POLR1C: variants seen among roughly 807,000 people sequenced by gnomAD.
POLR1C encodes the protein RNA polymerase I and III subunit C.
POLR1C carries 42 observed loss-of-function variants against 38.3 expected under a neutral mutation model. The observed-to-expected ratio is 1.10, with a 90% CI of 0.86 to 1.42. POLR1C has a LOEUF of 1.42. Among genes scored for constraint, POLR1C ranks in the 40% most tolerant of loss-of-function variants. The pLI is 0.00. For missense variants in POLR1C, 507 were observed against 450.5 expected, an observed-to-expected ratio of 1.13 and a Z score of -1.14; for synonymous variants, 163 against 163.9, an observed-to-expected ratio of 0.99 and a Z score of 0.04.
intron 9 of POLR1C, chr6:43,548,466 G>A (rs1233424081): frequency 3.9e-6 from 6 of 1,527,002 alleles, no homozygotes; most frequent in Admixed American, 3.9e-5. Context: ...TTGGGCTACA[G>A]ATCAAAAAGA....
At chr6:43,526,538 G>A (rs1013033953) in intron 8 of POLR1C, 2 of 826,706 alleles carry the variant, frequency 2.4e-6, no homozygotes, top group Non-Finnish European at 4.0e-6. Flanking sequence ...TATGATGGAG[G>A]CACACAGCAA....
chr6:43,520,102 T>A lies in POLR1C; in HGVS notation c.419T>A (p.Phe140Tyr), dbSNP rs1226297486. The change falls in exon 5 of 9, where the codon TTT (phenylalanine) becomes TAT (tyrosine). Residue 140 changes from phenylalanine to tyrosine, a missense_variant. Transcript: ENST00000642195. ...EEGTEIDTLQ[F>Y]RLQVRCTRNP... ...GGCACAGAGATAGATACTCTACAGT[T>A]TCGTCTCCAGGTCAGATGCACTCGG... 2 of 1,614,110 alleles carry A rather than the reference T, an allele frequency of 1.2e-6. No individual in the cohort carries two copies. The highest frequency in any genetic ancestry group is 2.7e-5 in the African/African-American group (2 of 74,936).
intron 9 of POLR1C, among the ~76,000 whole-genome samples, chr6:43,536,488 G>A (rs934510586): frequency 2.7e-4 from 41 of 151,774 alleles, no homozygotes; most frequent in Admixed American, 2.2e-3. Context: ...GCCAGATGCG[G>A]TGGCTTATGC....
At chr6:43,524,998 AG>A, downstream of POLR1C, 1 of 1,608,846 alleles carries the variant, frequency 6.2e-7, no homozygotes, top group Non-Finnish European at 8.5e-7. Flanking sequence ...TTAGGGCCAC[AG>A]GGGGCCTCTC....
At chr6:43,558,400 G>T in intron 10 of POLR1C, 2 of 1,025,108 alleles carry the variant, frequency 2.0e-6, no homozygotes, top group South Asian at 1.7e-5. Flanking sequence ...ATCCAGATTT[G>T]GGGATCTTTC....
At chr6:43,519,098 A>G in intron 2 of POLR1C, 2 of 569,026 alleles carry the variant, frequency 3.5e-6, no homozygotes, top group Non-Finnish European at 6.3e-6. Flanking sequence ...GCTTCTGTGG[A>G]TGGTTTGGTT....
intron 10 of POLR1C, chr6:43,551,578 A>G (rs2127733209): frequency 8.7e-7 from 1 of 1,149,138 alleles, no homozygotes; most frequent in South Asian, 1.5e-5. Flanking sequence ...GCTGGAGTGC[A>G]CAGTGGCACA....
chr6:43,556,261 C>T (rs928676972), intron 10 of POLR1C, among the ~76,000 whole-genome samples: 2 of 152,146 alleles, frequency 1.3e-5, no homozygotes, highest in South Asian at 2.1e-4. Flanking sequence ...CAGTAGCTCA[C>T]GCCTGAAATC....
chr6:43,530,844 A>G, downstream of POLR1C: 1 of 1,598,858 alleles, frequency 6.3e-7, no homozygotes. Flanking sequence ...GGAAAAAAAG[A>G]GCATTGAAAA....
At chr6:43,525,007 C>A, downstream of POLR1C, 2 of 1,604,372 alleles carry the variant, frequency 1.2e-6, no homozygotes, top group African/African-American at 1.3e-5. Flanking sequence ...CAGGGGGCCT[C>A]TCTCAAGGCC....
chr6:43,540,152 G>A (rs1012120850), intron 9 of POLR1C, among the ~76,000 whole-genome samples: 13 of 152,124 alleles, frequency 8.5e-5, no homozygotes, highest in Non-Finnish European at 2.9e-5. Flanking sequence ...TACTTTGAGA[G>A]GCCAAGGAGG....
chr6:43,518,897 G>A (rs1792989842), intron 2 of POLR1C, among the ~76,000 whole-genome samples: 1 of 152,168 alleles, frequency 6.6e-6, no homozygotes, highest in African/African-American at 2.4e-5. Context: ...GGCCAGGCTG[G>A]TCTCAAACTC....
downstream of POLR1C, among the ~76,000 whole-genome samples, chr6:43,532,997 T>G (rs150428815): frequency 2.6e-5 from 4 of 151,894 alleles, no homozygotes; most frequent in African/African-American, 4.8e-5. Flanking sequence ...ATACAAAAAA[T>G]TAGCCGGGTG....
At chr6:43,560,879 G>C in intron 10 of POLR1C, 1 of 1,466,020 alleles carries the variant, frequency 6.8e-7, no homozygotes, top group Non-Finnish European at 9.6e-7. Flanking sequence ...CTTGACATTG[G>C]TTCACCTAAC....
At chr6:43,522,773 G>A (rs1446680834), downstream of POLR1C, 4 of 464,088 alleles carry the variant, frequency 8.6e-6, no homozygotes, top group African/African-American at 4.0e-5. Flanking sequence ...TGGACACACT[G>A]GTTTCTGTAT....
intron 9 of POLR1C, among the ~76,000 whole-genome samples, chr6:43,540,006 A>G (rs1305792378): frequency 6.6e-6 from 1 of 152,238 alleles, no homozygotes; most frequent in African/African-American, 2.4e-5. Context: ...TATAATCCCA[A>G]TACTTTGGGA....
rs541644478 is a variant in POLR1C at position 43,553,596 on chromosome 6, C to G, written c.*48+2585C>G. ...CAGAAGACACAGAGAGACAATGGAGCCTTAGAGAACACCTGAGAATTTCAT... is the reference window on the plus strand; with the variant it reads ...CAGAAGACACAGAGAGACAATGGAGGCTTAGAGAACACCTGAGAATTTCAT... On this transcript the variant is annotated intron_variant, in intron 10 of 10. Coordinates refer to the POLR1C transcript ENST00000607635. 8.9e-6 allele frequency: 13 copies of G among 1,467,070 alleles called. No individual in the cohort carries two copies. The East Asian group carries it at 2.5e-4, about 29-fold the overall frequency. 90.9% of individuals were successfully genotyped at this position (1,467,070 alleles called of 1,614,324 possible).
downstream of POLR1C, chr6:43,524,714 TCA>T: frequency 1.3e-6 from 2 of 1,588,226 alleles, no homozygotes; most frequent in Non-Finnish European, 1.7e-6. Flanking sequence ...CACCCATTTC[TCA>T]GAGATTGCAC....
exon 9 of POLR1C, chr6:43,529,377 C>CAA: frequency 2.8e-5 from 3 of 108,306 alleles, no homozygotes; most frequent in South Asian, 1.2e-4. Context: ...CCCGTCTCTA[C>CAA]TAAAAAAAAA....
Sources: allele counts gnomAD v4.1 joint callset (sites outside exome capture counted in the v4.1 genomes callset), GRCh38; gene constraint gnomAD v4.1.1; transcripts MANE v1.5; gene names NCBI Gene and HGNC (gene_info 2026-07-23, HGNC 2026-07-21).